Variants in CENPN observed in about 807,000 individuals in gnomAD.
CENPN encodes centromere protein N.
In CENPN, 36 loss-of-function variants were observed where a neutral mutation model predicts 48.6. The observed-to-expected ratio is 0.74, with a 90% confidence interval of 0.57 to 0.98. The LOEUF (loss-of-function observed/expected upper bound fraction) is 0.98. Among genes scored for constraint, CENPN ranks in the 50% least tolerant of loss-of-function variants. The pLI is 0.00. For missense variants in CENPN, 439 were observed against 399.2 expected (o/e 1.10, Z -0.85); for synonymous variants, 166 against 135.2 (o/e 1.23, Z -1.58).
rs913650838 is a variant in CENPN, at chr16:81,009,412, G to C, written c.-11+2135G>C. On this transcript the variant is annotated intron_variant, in intron 1 of 10. Transcript: ENST00000305850. ...TGGTCCTTCTCTAGAGATTATTTAA[G>C]AGACTAGTGTAGTTGGAGCTCAGAA... 9.9e-5 allele frequency among the ~76,000 whole-genome samples: 15 copies of C among 152,278 alleles called. 1 individual carries two copies. Among genetic ancestry groups the C allele is most frequent in the African/African-American group, 2.9e-4 (12 of 41,552 alleles).
chr16:81,021,175 G>T (rs764447053), intron 6 of CENPN, among the ~76,000 whole-genome samples: 2 of 151,420 alleles, frequency 1.3e-5, no homozygotes, highest in South Asian at 4.2e-4. Flanking sequence ...TGTATAATTT[G>T]CTTATTAATG....
At chr16:81,012,276 C>A (rs1705645578) in intron 2 of CENPN, among the ~76,000 whole-genome samples, 166 bp downstream of exon 2, 1 of 152,134 alleles carries the variant, frequency 6.6e-6, no homozygotes, top group African/African-American at 2.4e-5. Flanking sequence ...TTTTAATTGA[C>A]CTTTTCATCT....
chr16:81,009,100 G>A (rs1340880931), intron 1 of CENPN, among the ~76,000 whole-genome samples: 5 of 152,148 alleles, frequency 3.3e-5, no homozygotes, highest in African/African-American at 1.2e-4. Flanking sequence ...CCAGATACTC[G>A]GGAGGCTGAG....
At chr16:81,015,294 C>T (rs551502990) in intron 3 of CENPN, among the ~76,000 whole-genome samples, 1 of 152,294 alleles carries the variant, frequency 6.6e-6, no homozygotes, top group East Asian at 1.9e-4. Context: ...GGCCCTGGGG[C>T]CAGACCTCTT....
rs1970754302 is a variant in CENPN, at chr16:81,031,136, C to G, written c.*2485C>G. ...GGAGGAAGCCATTCTAAAAAGGACT[C>G]CCTACATGACCTGCAACTTGAAAAA... On this transcript the variant is annotated 3_prime_UTR_variant, in exon 11 of 11. Coordinates refer to ENST00000305850, the MANE Select transcript of CENPN (RefSeq NM_001100624.3). 1 of 151,872 alleles carries G rather than the reference C, an allele frequency of 6.6e-6. No individual in the cohort carries two copies. Among genetic ancestry groups the G allele is most frequent in the East Asian group, 1.9e-4 (1 of 5,178 alleles). The allele number at this position is 151,872 out of a possible 1,614,324, so 9.4% of individuals were successfully genotyped here.
chr16:81,019,826 A>G (rs1385449040), intron 5 of CENPN, among the ~76,000 whole-genome samples: 1 of 151,062 alleles, frequency 6.6e-6, no homozygotes, highest in Non-Finnish European at 1.5e-5. Flanking sequence ...TGAGCAGGCT[A>G]TGATCATGCC....
Position 81,022,671 on chromosome 16 carries a change from G to C in CENPN, c.606G>C (p.Lys202Asn), listed in dbSNP as rs780667228. ...GAAGTCGGTATCTGGACTCTCTTAAGGCTATTGTTTTTAAACAGTATAATC... is the reference window on the plus strand; with the variant it reads ...GAAGTCGGTATCTGGACTCTCTTAACGCTATTGTTTTTAAACAGTATAATC... Reference protein sequence around the residue: ...DLRSRYLDSLKAIVFKQYNQT... With the variant: ...DLRSRYLDSLNAIVFKQYNQT... Residue 202 changes from lysine (K) to asparagine (N), a missense_variant, in exon 7 of 11, where the codon AAG becomes AAC. By Grantham distance (94) the Lys-to-Asn change is moderately conservative (BLOSUM62 0). Coordinates refer to ENST00000305850, the MANE Select transcript of CENPN (RefSeq NM_001100624.3). 6.2e-7 allele frequency: 1 copy of C among 1,614,052 alleles called. No homozygotes were observed. The highest frequency in any genetic ancestry group is 8.5e-7 in the Non-Finnish European group (1 of 1,179,978).
At chr16:81,017,884 T>C (rs760541520) in intron 5 of CENPN, 50 bp downstream of exon 5, 2 of 1,136,290 alleles carry the variant, frequency 1.8e-6, no homozygotes, top group East Asian at 4.8e-5. Context: ...ATGACGTCTG[T>C]GCACTTAAAA....
At position 81,017,288 on chromosome 16, in the gene CENPN, A is replaced by G. The variant is rs148364313; in HGVS notation, c.218-38A>G. 3.6e-6 allele frequency: 5 copies of G among 1,379,854 alleles called. No homozygotes were observed. The East Asian group carries it at 6.9e-5, about 19-fold the overall frequency. The allele number at this position is 1,379,854 out of a possible 1,614,324, so 85.5% of individuals were successfully genotyped here. On this transcript the variant is annotated intron_variant, in intron 3 of 10. Coordinates refer to ENST00000305850, the MANE Select transcript of CENPN (RefSeq NM_001100624.3). The stretch of plus-strand genomic sequence containing the variant: ...TATAAGCATATTACTTCAAAGTTCT[A>G]TGATATGCTAGTAATAAAGCTTTCT...
intron 1 of CENPN, among the ~76,000 whole-genome samples, chr16:81,010,134 G>C (rs1969680830): frequency 6.6e-6 from 1 of 152,192 alleles, no homozygotes; most frequent in Non-Finnish European, 1.5e-5. Flanking sequence ...GGCAGGGGAG[G>C]TTGCAGTGAG....
At chr16:81,022,118 C>T (rs1020571081) in intron 6 of CENPN, among the ~76,000 whole-genome samples, 6 of 152,150 alleles carry the variant, frequency 3.9e-5, no homozygotes, top group East Asian at 3.8e-4. Context: ...TCAGGTTAAA[C>T]ATCTTATCCT....
chr16:81,015,368 CTG>C (rs370232222), intron 3 of CENPN, among the ~76,000 whole-genome samples: 2 of 152,194 alleles, frequency 1.3e-5, no homozygotes, highest in African/African-American at 4.8e-5. Flanking sequence ...GTTAACATCT[CTG>C]TGGCATACCG....
chr16:81,023,445 C>G (rs1970305366), intron 7 of CENPN: 2 of 152,936 alleles, frequency 1.3e-5, no homozygotes, highest in Non-Finnish European at 2.9e-5. Flanking sequence ...GATCCCAGCA[C>G]TTTAGGAGGC....
chr16:81,014,102 C>G lies in CENPN; in HGVS notation c.172-34C>G, dbSNP rs560182353. The stretch of plus-strand genomic sequence containing the variant: ...AAACGGGATAGAACCAAACCTATAA[C>G]CACAGTTACTAAATAATTTGTTTTC... On this transcript the variant is annotated intron_variant, in intron 2 of 10. Coordinates refer to ENST00000305850, the MANE Select transcript of CENPN (RefSeq NM_001100624.3). The G allele has an allele frequency of 2.7e-4, 424 of 1,589,498 alleles. 10 individuals are homozygous for G. The South Asian group carries it at 4.6e-3, about 17-fold the overall frequency.
At chr16:81,012,651 A>G (rs1597307089) in intron 2 of CENPN, among the ~76,000 whole-genome samples, 1 of 152,172 alleles carries the variant, frequency 6.6e-6, no homozygotes. Flanking sequence ...GCTGGAGTGC[A>G]GTGGCACAAA....
chr16:81,032,506 GTA>G, downstream of CENPN: 1 of 1,490,114 alleles, frequency 6.7e-7, no homozygotes, highest in Non-Finnish European at 9.0e-7. Context: ...AATAAAACTT[GTA>G]TGTCTTTTCT....
rs1970654716 is a variant in CENPN at position 81,029,167 on chromosome 16, G to A, written c.*516G>A. ...GAGTTGAGTCCATTCTGTTATTGTT[G>A]CAAGAGGTTGCATATTTGGTGAGTC... On this transcript the variant is annotated 3_prime_UTR_variant, in exon 11 of 11. Transcript: ENST00000305850. 2.0e-6 allele frequency: 2 copies of A among 983,426 alleles called. No individual in the cohort carries two copies. The highest frequency in any genetic ancestry group is 2.4e-6 in the Non-Finnish European group (2 of 828,158). The allele number at this position is 983,426 out of a possible 1,614,324, so 60.9% of individuals were successfully genotyped here. A position where few individuals can be genotyped will look rare whatever the true frequency, so the allele number is the denominator to read the frequency against.
In CENPN at chr16:81,020,162, A is replaced by G. The variant is rs1171036649; in HGVS notation, c.417A>G (p.Thr139=). Residue 139 remains threonine (T), a synonymous_variant, in exon 6 of 11, where the codon ACA becomes ACG. Coordinates refer to ENST00000305850, the MANE Select transcript of CENPN (RefSeq NM_001100624.3). ...TCTGGATTCGAATTGCCTGGGGAAC[A>G]CAGTACACAAAGCCAAACCAGTACA... is the stretch of plus-strand genomic sequence containing the variant. ...NAVWIRIAWG[T]QYTKPNQYKP... 6.2e-7 allele frequency: 1 copy of G among 1,613,934 alleles called. No individual in the cohort carries two copies.
At chr16:81,009,568 C>T (rs536761902) in intron 1 of CENPN, among the ~76,000 whole-genome samples, 39 of 152,206 alleles carry the variant, frequency 2.6e-4, no homozygotes, top group Non-Finnish European at 5.0e-4. Flanking sequence ...TCTGTTCCTA[C>T]GACCTTAATT....
Sources: gnomAD v4.1 joint callset for allele counts (sites outside exome capture counted in the v4.1 genomes callset) on GRCh38, gnomAD v4.1.1 for gene constraint, MANE v1.5 for transcripts, NCBI Gene and HGNC (gene_info 2026-07-23, HGNC 2026-07-21) for gene names.